The following NFIA variants were observed in gnomAD, a reference collection of about 807,000 sequenced individuals.
The protein encoded by NFIA is nuclear factor I A.
A neutral mutation model predicts 62.8 loss-of-function variants in NFIA; 8 were observed. The observed-to-expected ratio is 0.13, with a 90% confidence interval of 0.07 to 0.23. The LOEUF (loss-of-function observed/expected upper bound fraction) is 0.23, where lower values mean the gene tolerates loss of function less well. NFIA is among the 10% of genes least tolerant of loss of function. NFIA has a pLI of 1.00. For missense variants in NFIA, 410 were observed against 642.1 expected, an observed-to-expected ratio of 0.64 and a Z score of 3.91; for synonymous variants, 235 against 238.1, an observed-to-expected ratio of 0.99 and a Z score of 0.12.
chr1:61,268,938 C>G (rs772388668), intron 2 of NFIA, among the ~76,000 whole-genome samples: 2 of 152,096 alleles, frequency 1.3e-5, no homozygotes, highest in African/African-American at 4.8e-5. Context: ...TTCTCCACCC[C>G]CACCGTCCCC....
At chr1:61,300,339 A>G (rs1340942928) in intron 3 of NFIA, among the ~76,000 whole-genome samples, 2 of 152,156 alleles carry the variant, frequency 1.3e-5, no homozygotes, top group Non-Finnish European at 2.9e-5. Context: ...CAGTTTCACT[A>G]GAGTATGAGT....
chr1:61,161,512 G>C (rs886969653), intron 2 of NFIA, among the ~76,000 whole-genome samples: 1 of 152,040 alleles, frequency 6.6e-6, no homozygotes, highest in African/African-American at 2.4e-5. Context: ...GAAAGACATG[G>C]AGACACTGTC....
intron 2 of NFIA, among the ~76,000 whole-genome samples, chr1:61,119,745 C>T (rs1646856961): frequency 6.6e-6 from 1 of 152,152 alleles, no homozygotes; most frequent in Non-Finnish European, 1.5e-5. Flanking sequence ...GTTTGCTTGC[C>T]TTCTTGGGTG....
intron 2 of NFIA, 56 bp from the exon 3 acceptor site, chr1:61,277,464 G>C: frequency 1.3e-6 from 2 of 1,561,688 alleles, no homozygotes; most frequent in Non-Finnish European, 1.8e-6. Context: ...TGGCACCTCT[G>C]ATGCACTTTC....
intron 2 of NFIA, among the ~76,000 whole-genome samples, chr1:61,135,781 A>G (rs1647172757): frequency 6.6e-6 from 1 of 152,216 alleles, no homozygotes; most frequent in South Asian, 2.1e-4. Flanking sequence ...TTTGCTAACG[A>G]CAGTCATCCA....
chr1:61,255,171 G>A (rs1656301952), intron 2 of NFIA, among the ~76,000 whole-genome samples: 1 of 152,162 alleles, frequency 6.6e-6, no homozygotes, highest in African/African-American at 2.4e-5. Context: ...AAAAGAAAAA[G>A]CACACACAAA....
intron 2 of NFIA, among the ~76,000 whole-genome samples, chr1:61,196,899 GTGT>G: frequency 5.1e-4 from 1 of 1,970 alleles, no homozygotes; most frequent in Admixed American, 5.0e-3. Flanking sequence ...CCTTAAAGGA[GTGT>G]GTGTGTGTGT....
intron 2 of NFIA, among the ~76,000 whole-genome samples, chr1:61,211,340 T>C (rs952364969): frequency 2.0e-4 from 31 of 152,224 alleles, no homozygotes; most frequent in Non-Finnish European, 4.1e-4. Flanking sequence ...TCTTCCTTTT[T>C]TGAGTCAGCA....
chr1:61,208,940 T>C (rs1463734880), intron 2 of NFIA, among the ~76,000 whole-genome samples: 1 of 152,152 alleles, frequency 6.6e-6, no homozygotes, highest in Non-Finnish European at 1.5e-5. Flanking sequence ...TAGGAGAAAG[T>C]ACTGAATGAA....
chr1:61,407,547 A>G (rs1363786709), intron 9 of NFIA, among the ~76,000 whole-genome samples: 2 of 152,094 alleles, frequency 1.3e-5, no homozygotes, highest in Non-Finnish European at 2.9e-5. Flanking sequence ...AATAATGACA[A>G]AAAGAGTGAT....
At chr1:61,164,400 A>G (rs1347117138) in intron 2 of NFIA, among the ~76,000 whole-genome samples, 1 of 152,184 alleles carries the variant, frequency 6.6e-6, no homozygotes, top group Non-Finnish European at 1.5e-5. Flanking sequence ...TTCTGGCTGC[A>G]AGGAAGCTTG....
chr1:61,224,055 G>C (rs1434335866), intron 2 of NFIA, among the ~76,000 whole-genome samples: 2 of 151,988 alleles, frequency 1.3e-5, no homozygotes, highest in Non-Finnish European at 2.9e-5. Context: ...TGATAAGATA[G>C]AATTTTACTT....
intron 5 of NFIA, among the ~76,000 whole-genome samples, chr1:61,353,747 A>C (rs1311363803): frequency 6.6e-6 from 1 of 152,202 alleles, no homozygotes; most frequent in Non-Finnish European, 1.5e-5. Flanking sequence ...GTATTCCCTT[A>C]ATATAACTAT....
In NFIA at chr1:61,082,725, C is replaced by T. The variant is rs1306837859; in HGVS notation, c.-67C>T. 1 of 1,550,000 alleles carries T rather than the reference C, an allele frequency of 6.5e-7. No homozygotes were observed. Among genetic ancestry groups the T allele is most frequent in the African/African-American group, 1.4e-5 (1 of 72,848 alleles). ...CTCTCTCCCTCTTTCTCCTCTCTCACCCACACTCACGCACACCTCCAAACC... is the reference window on the plus strand; with the variant it reads ...CTCTCTCCCTCTTTCTCCTCTCTCATCCACACTCACGCACACCTCCAAACC... On this transcript the variant is annotated 5_prime_UTR_variant, in exon 1 of 11. Transcript: ENST00000403491.
At chr1:61,365,591 T>C (rs944121375) in intron 6 of NFIA, among the ~76,000 whole-genome samples, 1 of 152,196 alleles carries the variant, frequency 6.6e-6, no homozygotes, top group Non-Finnish European at 1.5e-5. Flanking sequence ...GAATGGCTGG[T>C]CTTCTAATCA....
intron 3 of NFIA, among the ~76,000 whole-genome samples, chr1:61,284,848 G>A (rs1658383672): frequency 1.3e-5 from 2 of 152,078 alleles, no homozygotes; most frequent in African/African-American, 2.4e-5. Flanking sequence ...GAAAAAAAGG[G>A]ATTTCTTGCT....
chr1:61,382,269 A>G (rs1664460158), intron 6 of NFIA, among the ~76,000 whole-genome samples: 1 of 152,216 alleles, frequency 6.6e-6, no homozygotes, highest in Non-Finnish European at 1.5e-5. Flanking sequence ...TTACAAATCC[A>G]GTAATTACAA....
chr1:61,255,727 G>C (rs1352406040), intron 2 of NFIA, among the ~76,000 whole-genome samples: 1 of 152,190 alleles, frequency 6.6e-6, no homozygotes, highest in Non-Finnish European at 1.5e-5. Flanking sequence ...CTTGGCACCT[G>C]ACTGGCAGTT....
At chr1:61,388,281 G>A (rs1041857269) in intron 7 of NFIA, among the ~76,000 whole-genome samples, 1 of 152,166 alleles carries the variant, frequency 6.6e-6, no homozygotes, top group African/African-American at 2.4e-5. Flanking sequence ...GAAAGATTGA[G>A]CTTTCAAAGA....
Sources: gnomAD v4.1 joint callset for allele counts (sites outside exome capture counted in the v4.1 genomes callset) on GRCh38, gnomAD v4.1.1 for gene constraint, MANE v1.5 for transcripts, NCBI Gene and HGNC (gene_info 2026-07-23, HGNC 2026-07-21) for gene names.